The following LCOR variants were observed in gnomAD, a reference collection of about 807,000 sequenced individuals.
LCOR encodes the protein ligand-dependent corepressor.
In LCOR, 14 loss-of-function variants were observed where a neutral mutation model predicts 64.4. The observed-to-expected ratio is 0.22, with a 90% CI of 0.14 to 0.34. LCOR has a LOEUF of 0.34. Among genes scored for constraint, LCOR ranks in the 10% least tolerant of loss-of-function variants. The pLI, the probability that LCOR is intolerant of heterozygous loss-of-function variation, is 1.00. For missense variants in LCOR, 1,686 were observed against 1,765.3 expected, an observed-to-expected ratio of 0.96 and a Z score of 0.80; for synonymous variants, 643 against 642.5, an observed-to-expected ratio of 1.00 and a Z score of -0.01.
At chr10:96,969,763 CT>C (rs1321325884) in intron 7 of LCOR, among the ~76,000 whole-genome samples, 33 of 125,072 alleles carry the variant, frequency 2.6e-4, no homozygotes, top group South Asian at 1.7e-3. Context: ...AATTTTCTTT[CT>C]TTTTTTTTTC....
intron 2 of LCOR, among the ~76,000 whole-genome samples, chr10:96,871,527 C>G (rs538300515): frequency 6.6e-6 from 1 of 152,060 alleles, no homozygotes; most frequent in Non-Finnish European, 1.5e-5. Flanking sequence ...ATTCTCCAAC[C>G]TTAGCCTTGA....
chr10:96,836,405 C>G (rs1194663692), intron 2 of LCOR, among the ~76,000 whole-genome samples: 1 of 152,112 alleles, frequency 6.6e-6, no homozygotes, highest in African/African-American at 2.4e-5. Flanking sequence ...TTCAGAGTAC[C>G]TGCCTGATCA....
rs1367390188 is a variant in LCOR at position 96,990,818 on chromosome 10, G to A, written c.*5684G>A. ...GATGTCCTTTGCTCCATCCTTCAGA[G>A]GGGCAGTTGTGTAGTTATGCTGCCG... On this transcript the variant is annotated 3_prime_UTR_variant, in exon 8 of 8. Transcript: ENST00000421806. 1 of 152,110 alleles carries A rather than the reference G, an allele frequency of 6.6e-6. No individual in the cohort carries two copies. Among genetic ancestry groups the A allele is most frequent in the African/African-American group, 2.4e-5 (1 of 41,390 alleles). 9.4% of individuals were successfully genotyped at this position (152,110 alleles called of 1,614,324 possible).
chr10:96,848,415 T>G (rs987902837), intron 2 of LCOR, among the ~76,000 whole-genome samples: 9 of 152,188 alleles, frequency 5.9e-5, no homozygotes, highest in Non-Finnish European at 2.9e-5. Context: ...CCCAACACTT[T>G]GGGAGGCCGA....
chr10:96,940,206 C>T (rs942629211), intron 4 of LCOR, among the ~76,000 whole-genome samples: 1 of 149,988 alleles, frequency 6.7e-6, no homozygotes, highest in Admixed American at 6.7e-5. Context: ...GGTGTAGCTG[C>T]TTTGGAAAAT....
chr10:96,873,588 G>GTA (rs1458449060), intron 2 of LCOR, among the ~76,000 whole-genome samples: 1 of 145,352 alleles, frequency 6.9e-6, no homozygotes, highest in Non-Finnish European at 1.5e-5. Flanking sequence ...GTGTGTGTGT[G>GTA]TGTGTGTGTG....
intron 2 of LCOR, among the ~76,000 whole-genome samples, chr10:96,879,763 G>A (rs1435722095): frequency 6.6e-6 from 1 of 152,156 alleles, no homozygotes; most frequent in Non-Finnish European, 1.5e-5. Flanking sequence ...CTGGGTTCAA[G>A]CTTTTCTCAT....
At chr10:96,946,601 C>T (rs1847593199) in intron 5 of LCOR, among the ~76,000 whole-genome samples, 1 of 151,802 alleles carries the variant, frequency 6.6e-6, no homozygotes, top group Non-Finnish European at 1.5e-5. Flanking sequence ...TGCTGTGTTC[C>T]CCTGGGTGTG....
intron 7 of LCOR, among the ~76,000 whole-genome samples, chr10:96,967,054 A>C (rs967874683): frequency 2.0e-5 from 3 of 152,212 alleles, no homozygotes; most frequent in African/African-American, 7.2e-5. Context: ...GAGGTTTTGT[A>C]GGCATGTAAG....
chr10:96,832,875 C>T (rs1845368232), intron 1 of LCOR: 2 of 550,080 alleles, frequency 3.6e-6, no homozygotes, highest in Non-Finnish European at 4.6e-6. Context: ...CTGCGCCACC[C>T]CTCCCCCACG....
At chr10:96,921,445 T>G (rs1010411553) in intron 4 of LCOR, among the ~76,000 whole-genome samples, 1 of 152,036 alleles carries the variant, frequency 6.6e-6, no homozygotes, top group Non-Finnish European at 1.5e-5. Flanking sequence ...AGGATCCAGC[T>G]TCATTCTTTA....
At chr10:96,966,471 G>A (rs1171380670) in intron 7 of LCOR, among the ~76,000 whole-genome samples, 2 of 151,694 alleles carry the variant, frequency 1.3e-5, no homozygotes, top group Admixed American at 6.6e-5. Context: ...CTCGTGATCC[G>A]CCCGTCTCGG....
In LCOR at chr10:96,987,119, T is replaced by C. The variant is rs1385887493; in HGVS notation, c.*1985T>C. The C allele has an allele frequency of 6.6e-6, 1 of 152,222 alleles. No homozygotes were observed. The highest frequency in any genetic ancestry group is 1.9e-4 in the East Asian group (1 of 5,198). The allele number at this position is 152,222 out of a possible 1,614,324, so 9.4% of individuals were successfully genotyped here. On this transcript the variant is annotated 3_prime_UTR_variant, in exon 8 of 8. Coordinates refer to ENST00000421806, the MANE Select transcript of LCOR (RefSeq NM_001346516.2). ...TTTGGCCATTCAAGAGCTACCTACA[T>C]TAATAAAACTGCTGAGTGTGTATGT...
intron 2 of LCOR, among the ~76,000 whole-genome samples, chr10:96,899,166 G>A (rs1846591882): frequency 1.3e-5 from 2 of 152,112 alleles, no homozygotes; most frequent in South Asian, 4.1e-4. Context: ...GATTTGGTGG[G>A]CATTTTTAGG....
intron 2 of LCOR, among the ~76,000 whole-genome samples, chr10:96,895,986 G>A (rs1846530689): frequency 6.6e-6 from 1 of 152,158 alleles, no homozygotes; most frequent in Non-Finnish European, 1.5e-5. Context: ...GGAGGCTGAG[G>A]CAGGAGGATT....
rs556087400 is a variant in LCOR, at chr10:96,957,641, A to AG, written c.332+5449dup. ...ATTTCAGATGGATACTAACAGTTTG[A>AG]GGGGAGGTCCAGATATTTCCAAGGC... On this transcript the variant is annotated intron_variant, in intron 7 of 7. Coordinates refer to ENST00000421806, the MANE Select transcript of LCOR (RefSeq NM_001346516.2). 158 of 985,352 alleles carry AG rather than the reference A, an allele frequency of 1.6e-4. No individual in the cohort carries two copies. The African/African-American group carries it at 2.6e-3, about 16-fold the overall frequency. The allele number at this position is 985,352 out of a possible 1,614,324, so 61.0% of individuals were successfully genotyped here.
chr10:96,916,670 G>A (rs1168724121), intron 4 of LCOR, among the ~76,000 whole-genome samples: 4 of 149,970 alleles, frequency 2.7e-5, no homozygotes, highest in Non-Finnish European at 5.9e-5. Context: ...GCTGGAGTAC[G>A]GTGGCACGAT....
Position 96,983,572 on chromosome 10 carries a change from T to G in LCOR, c.3112T>G (p.Ser1038Ala). Reference protein sequence around the residue: ...KSVPRPKRLTSSTYNLRHAHS... With the variant: ...KSVPRPKRLTASTYNLRHAHS... ...GGTGCCAAGGCCTAAAAGATTGACC[T>G]CTTCAACCTACAACCTAAGACACGC... Residue 1038 changes from serine to alanine, a missense_variant, in exon 8 of 8, where the codon TCT (serine) becomes GCT (alanine). Ser to Ala is a moderately conservative substitution (Grantham distance 99). This residue lies in a region of LCOR where 1,293 missense variants were observed against 1,410.4 expected (regional missense o/e 0.92). Coordinates refer to ENST00000421806, the MANE Select transcript of LCOR (RefSeq NM_001346516.2). This position sits in a 1 kb window ranked among gnomAD's most constrained non-coding sequence, Gnocchi z 4.5. The G allele has an allele frequency of 1.9e-6, 3 of 1,614,148 alleles. No individual in the cohort carries two copies. The highest frequency in any genetic ancestry group is 2.5e-6 in the Non-Finnish European group (3 of 1,180,026).
chr10:96,927,629 A>G (rs1847191579), intron 4 of LCOR, among the ~76,000 whole-genome samples: 1 of 152,012 alleles, frequency 6.6e-6, no homozygotes, highest in East Asian at 1.9e-4. Flanking sequence ...TTTCTATTTA[A>G]TTTTTCTATA....
Sources: gnomAD v4.1 joint callset for allele counts (sites outside exome capture counted in the v4.1 genomes callset) on GRCh38, gnomAD v4.1.1 for gene constraint, gnomAD v4.1.1 regional missense constraint, Gnocchi (gnomAD v3.1) non-coding constraint, MANE v1.5 for transcripts, NCBI Gene and HGNC (gene_info 2026-07-23, HGNC 2026-07-21) for gene names.